Variants in ACTR3C observed in about 807,000 individuals in gnomAD.
The protein encoded by ACTR3C is actin related protein 3C.
A neutral mutation model predicts 26.3 loss-of-function variants in ACTR3C; 18 were observed. That is an observed-to-expected ratio of 0.68 (90% CI 0.47 to 1.01). The LOEUF (loss-of-function observed/expected upper bound fraction) is 1.01. Among genes scored for constraint, ACTR3C ranks in the 50% least tolerant of loss-of-function variants. ACTR3C has a pLI of 0.00. For synonymous variants in ACTR3C, 55 were observed against 94.5 expected, an observed-to-expected ratio of 0.58 and a Z score of 2.42; for missense variants, 184 against 250.7, an observed-to-expected ratio of 0.73 and a Z score of 1.80.
chr7:150,217,031 T>G, the ACTR3C span, among the ~76,000 whole-genome samples: 4 of 146,672 alleles, frequency 2.7e-5, no homozygotes, highest in African/African-American at 1.1e-4. Context: ...ATAAAGCACA[T>G]GCCTCCCCTT....
the ACTR3C span, among the ~76,000 whole-genome samples, chr7:149,980,083 T>C: frequency 6.6e-6 from 1 of 152,210 alleles, no homozygotes; most frequent in African/African-American, 2.4e-5. Context: ...TCTTGACTAA[T>C]TGAGGTATCT....
chr7:150,147,708 G>T, the ACTR3C span, among the ~76,000 whole-genome samples: 1 of 152,160 alleles, frequency 6.6e-6, no homozygotes, highest in Non-Finnish European at 1.5e-5. Context: ...CAGCAGTCAT[G>T]ATGTGTGTGC....
chr7:150,315,748 A>G (rs1425151833), intron 1 of ACTR3C, among the ~76,000 whole-genome samples: 1 of 152,166 alleles, frequency 6.6e-6, no homozygotes, highest in African/African-American at 2.4e-5. Flanking sequence ...AAGTAAACAT[A>G]CACATGCTTA....
chr7:150,028,339 A>G, the ACTR3C span, among the ~76,000 whole-genome samples: 1 of 152,280 alleles, frequency 6.6e-6, no homozygotes. Context: ...TCTGTCTCAT[A>G]AAAGAGGTGT....
the ACTR3C span, among the ~76,000 whole-genome samples, chr7:150,103,975 G>A: frequency 1.3e-5 from 2 of 151,812 alleles, no homozygotes; most frequent in Non-Finnish European, 2.9e-5. Context: ...TTAAACATTC[G>A]ACAACATAAA....
At chr7:150,069,795 G>A in the ACTR3C span, among the ~76,000 whole-genome samples, 1 of 152,162 alleles carries the variant, frequency 6.6e-6, no homozygotes. Flanking sequence ...TCTGAAATAT[G>A]TCAGGCTGGC....
the ACTR3C span, among the ~76,000 whole-genome samples, chr7:149,883,167 A>AG: frequency 6.6e-6 from 1 of 152,200 alleles, no homozygotes; most frequent in East Asian, 1.9e-4. Flanking sequence ...GACGGCCTTG[A>AG]GCTTTTTCAG....
chr7:150,046,843 C>A, the ACTR3C span, among the ~76,000 whole-genome samples: 1 of 145,294 alleles, frequency 6.9e-6, no homozygotes, highest in Non-Finnish European at 1.5e-5. Context: ...CCTTTGAAAC[C>A]CAGGCTTCCA....
intron 6 of ACTR3C, among the ~76,000 whole-genome samples, chr7:150,281,447 C>T (rs1300106881): frequency 6.6e-6 from 1 of 150,382 alleles, no homozygotes; most frequent in Non-Finnish European, 1.5e-5. Flanking sequence ...CGAACCTCGT[C>T]AGTGCAGCTT....
the ACTR3C span, among the ~76,000 whole-genome samples, chr7:149,882,572 C>T: frequency 8.5e-5 from 13 of 152,220 alleles, no homozygotes; most frequent in African/African-American, 2.9e-4. Flanking sequence ...CTCCCTGGCA[C>T]GATCTGGTCT....
the ACTR3C span, among the ~76,000 whole-genome samples, chr7:150,080,230 A>G: frequency 6.6e-6 from 1 of 150,668 alleles, no homozygotes; most frequent in Admixed American, 6.6e-5. Context: ...GGATCCGCTG[A>G]TCTACAAAAG....
the ACTR3C span, among the ~76,000 whole-genome samples, chr7:150,090,717 A>G: frequency 4.7e-5 from 7 of 149,488 alleles, no homozygotes; most frequent in African/African-American, 1.7e-4. Context: ...AATTTTGCTA[A>G]GATGTCAATT....
At chr7:150,177,213 T>C in the ACTR3C span, among the ~76,000 whole-genome samples, 4 of 150,684 alleles carry the variant, frequency 2.7e-5, no homozygotes, top group Admixed American at 6.6e-5. Context: ...AGTTAACTTA[T>C]TTTTAGTTCA....
the ACTR3C span, among the ~76,000 whole-genome samples, chr7:150,014,146 C>A: frequency 1.3e-5 from 2 of 152,246 alleles, no homozygotes; most frequent in East Asian, 1.9e-4. Flanking sequence ...CCTCGCTAAT[C>A]CAACTAGTCA....
the ACTR3C span, among the ~76,000 whole-genome samples, chr7:150,194,636 G>A: frequency 6.6e-6 from 1 of 151,740 alleles, no homozygotes; most frequent in African/African-American, 2.4e-5. Flanking sequence ...ATTTGTCTTT[G>A]TTTCTTTTTT....
intron 6 of ACTR3C, among the ~76,000 whole-genome samples, chr7:150,252,973 G>T (rs1418408408): frequency 1.3e-5 from 2 of 151,216 alleles, no homozygotes; most frequent in Non-Finnish European, 2.9e-5. Flanking sequence ...AGATTCTGCA[G>T]CGGTAAGCCC....
chr7:149,930,647 T>A, the ACTR3C span, among the ~76,000 whole-genome samples: 1 of 152,204 alleles, frequency 6.6e-6, no homozygotes, highest in Non-Finnish European at 1.5e-5. Flanking sequence ...CAAGATAAAA[T>A]GTGGCAACAG....
chr7:150,123,676 C>G, the ACTR3C span, among the ~76,000 whole-genome samples: 1 of 151,534 alleles, frequency 6.6e-6, no homozygotes, highest in African/African-American at 2.4e-5. Context: ...ACCTTTGGGC[C>G]AAGAGGAGTC....
the ACTR3C span, among the ~76,000 whole-genome samples, chr7:149,907,473 TTCTCTTCTCTC>T: frequency 8.1e-3 from 888 of 109,936 alleles, 11 homozygotes; most frequent in South Asian, 0.028. Flanking sequence ...CTTGCCTCTC[TTCTCTTCTCTC>T]TCTCTCTCTC....
Sources: allele counts gnomAD v4.1 joint callset (sites outside exome capture counted in the v4.1 genomes callset), GRCh38; gene constraint gnomAD v4.1.1; transcripts MANE v1.5; gene names NCBI Gene and HGNC (gene_info 2026-07-23, HGNC 2026-07-21).